ARRDC1: variants seen among roughly 807,000 people sequenced by gnomAD.
The protein encoded by ARRDC1 is arrestin domain-containing protein 1.
ARRDC1 carries 37 observed loss-of-function variants against 40.1 expected under a neutral mutation model. The ratio of observed to expected loss-of-function variants is 0.92; its 90% CI spans 0.71 to 1.21. The LOEUF is 1.21. Ranked by LOEUF, ARRDC1 falls within the 50% of genes most tolerant of loss-of-function variation. ARRDC1 has a pLI of 0.00. For synonymous variants in ARRDC1, 310 were observed against 262.5 expected, an observed-to-expected ratio of 1.18 and a Z score of -1.75; for missense variants, 641 against 581.9, an observed-to-expected ratio of 1.10 and a Z score of -1.04.
At position 137,612,886 on chromosome 9, in the gene ARRDC1, C is replaced by T. The variant is rs1289270029; in HGVS notation, c.119-10C>T. On this transcript the variant is annotated splice_polypyrimidine_tract_variant and intron_variant, in intron 1 of 7. Coordinates refer to ENST00000371421, the MANE Select transcript of ARRDC1 (RefSeq NM_152285.4). ...GCTGGCTGGGGCTCATGCAGCCATC[C>T]CCTTTGCAGCCATCCGGGTGACCTG... The T allele has an allele frequency of 5.0e-6, 8 of 1,608,440 alleles. No individual in the cohort carries two copies. Among genetic ancestry groups the T allele is most frequent in the Middle Eastern group, 1.7e-4 (1 of 6,034 alleles).
intron 4 of ARRDC1, 34 bp from the exon 5 acceptor site, chr9:137,613,998 A>AC: frequency 6.2e-7 from 1 of 1,610,142 alleles, no homozygotes; most frequent in Non-Finnish European, 8.5e-7. Context: ...GCCTGCGCAC[A>AC]CCTGCTAAGC....
intron 1 of ARRDC1, among the ~76,000 whole-genome samples, chr9:137,607,782 G>A (rs1170426802): frequency 6.6e-6 from 1 of 152,078 alleles, no homozygotes; most frequent in Non-Finnish European, 1.5e-5. Context: ...AGGAGTGGGT[G>A]GGTCTTCATG....
At chr9:137,613,146 C>T (rs900966967) in intron 2 of ARRDC1, 140 bp downstream of exon 2, 4 of 815,824 alleles carry the variant, frequency 4.9e-6, no homozygotes, top group Admixed American at 2.0e-5. Flanking sequence ...GTTGTGGGCC[C>T]TGATGGCTTT....
chr9:137,611,046 A>C (rs1383093348), intron 1 of ARRDC1, among the ~76,000 whole-genome samples: 1 of 152,198 alleles, frequency 6.6e-6, no homozygotes, highest in Non-Finnish European at 1.5e-5. Context: ...GTCTGTCAGG[A>C]GTGTTAAAAG....
chr9:137,605,781 G>T lies in ARRDC1; in HGVS notation c.64G>T (p.Glu22Ter). 7.4e-7 allele frequency: 1 copy of T among 1,346,654 alleles called. No individual in the cohort carries two copies. The highest frequency in any genetic ancestry group is 9.5e-7 in the Non-Finnish European group (1 of 1,047,716). The allele number at this position is 1,346,654 out of a possible 1,614,324, so 83.4% of individuals were successfully genotyped here. ...SHGRVVYSPG[E>*]PLAGTVRVRL... ...CGGCCGCGTCGTCTACAGCCCCGGG[G>T]AGCCGTTGGCTGGGACCGTGCGCGT... The change falls in exon 1 of 8, where the codon GAG (glutamate) becomes TAG (stop). Residue 22 changes from glutamate to a stop codon, truncating the protein, a stop_gained. Coordinates refer to ENST00000371421, the MANE Select transcript of ARRDC1 (RefSeq NM_152285.4). LOFTEE classifies it high-confidence loss of function.
intron 1 of ARRDC1, chr9:137,612,654 G>C: frequency 2.1e-6 from 1 of 470,112 alleles, no homozygotes. Context: ...TTCTGCTCTG[G>C]ATTGCAGGGC....
chr9:137,608,625 C>T (rs965082193), intron 1 of ARRDC1, among the ~76,000 whole-genome samples: 2 of 152,216 alleles, frequency 1.3e-5, no homozygotes, highest in South Asian at 4.1e-4. Flanking sequence ...CTGCCTGATT[C>T]GATGATTTGA....
intron 2 of ARRDC1, 103 bp downstream of exon 2, chr9:137,613,109 T>G (rs752118951): frequency 1.1e-6 from 1 of 946,644 alleles, no homozygotes; most frequent in Non-Finnish European, 1.7e-6. Context: ...GCCTCTTGGA[T>G]CTGGCACTGG....
Position 137,605,745 on chromosome 9 carries a change from A to C in ARRDC1, c.28A>C (p.Ser10Arg). 2 of 1,380,156 alleles carry C rather than the reference A, an allele frequency of 1.4e-6. No individual in the cohort carries two copies. The highest frequency in any genetic ancestry group is 1.9e-6 in the Non-Finnish European group (2 of 1,063,202). The allele number at this position is 1,380,156 out of a possible 1,614,324, so 85.5% of individuals were successfully genotyped here. ...GGGGCGAGTGCAGCTCTTCGAGATC[A>C]GCCTGAGCCACGGCCGCGTCGTCTA... MGRVQLFEI[S>R]LSHGRVVYSP... The change falls in exon 1 of 8, where the codon AGC becomes CGC. Residue 10 changes from serine to arginine, a missense_variant. Physicochemically the swap from Ser to Arg is moderately radical, Grantham distance 110. Transcript: ENST00000371421.
intron 1 of ARRDC1, among the ~76,000 whole-genome samples, chr9:137,609,805 C>T (rs967225425): frequency 5.9e-5 from 9 of 152,138 alleles, no homozygotes; most frequent in Admixed American, 2.0e-4. Context: ...GGATTACAGG[C>T]GTGAGCCACT....
Position 137,614,787 on chromosome 9 carries a change from C to T in ARRDC1, c.1024C>T (p.Arg342Trp), listed in dbSNP as rs113469851. The change falls in exon 7 of 8, where the codon CGG becomes TGG. Residue 342 changes from arginine (R) to tryptophan (W), a missense_variant. Transcript: ENST00000371421. ...VFLSTKSHSQ[R>W]QPLLATLSSV... is the part of the protein sequence containing the mutation. ...CCTCTCCACCAAGAGCCATTCGCAG[C>T]GGCAGCCCCTGCTGGCCACCTTGAG... 3,180 of 1,612,000 alleles carry T rather than the reference C, an allele frequency of 2.0e-3. 52 individuals are homozygous for T. In the African/African-American group the frequency reaches 0.038, roughly 19 times the overall value.
In ARRDC1 at chr9:137,614,614, T is replaced by C. The variant is rs376358295; in HGVS notation, c.851T>C (p.Ile284Thr). The change falls in exon 7 of 8, where the codon ATT (isoleucine) becomes ACT (threonine). Residue 284 changes from isoleucine (I) to threonine (T), a missense_variant. By Grantham distance (89) the Ile-to-Thr change is moderately conservative. Transcript: ENST00000371421. ...TVTLPVFIGN[I>T]AVNHAPVSPR... ...ACCCTCCCGGTCTTCATTGGCAATA[T>C]TGCTGTGAACCATGCCCCAGTGAGC... 20 of 1,612,812 alleles carry C rather than the reference T, an allele frequency of 1.2e-5. No individual in the cohort carries two copies. The highest frequency in any genetic ancestry group is 3.3e-5 in the Admixed American group (2 of 59,990).
chr9:137,614,186 C>A lies in ARRDC1; in HGVS notation c.590C>A (p.Thr197Asn). 6.2e-7 allele frequency: 1 copy of A among 1,607,276 alleles called. No individual in the cohort carries two copies. Among genetic ancestry groups the A allele is most frequent in the Non-Finnish European group, 8.5e-7 (1 of 1,175,562 alleles). Residue 197 changes from threonine (T) to asparagine (N), a missense_variant, in exon 5 of 8, where the codon ACC (threonine) becomes AAC (asparagine). Physicochemically the swap from Thr to Asn is moderately conservative, Grantham distance 65. Coordinates refer to ENST00000371421, the MANE Select transcript of ARRDC1 (RefSeq NM_152285.4). Reference sequence around the variant, plus strand: ...GTTGAGAACCAGTCAGGCAAGGACACCAGCCCTGTGGTGGCCAGTCTGCTG... The same window carrying A: ...GTTGAGAACCAGTCAGGCAAGGACAACAGCCCTGTGGTGGCCAGTCTGCTG... ...ADVENQSGKDTSPVVASLLQK... is the reference protein window; with the variant it reads ...ADVENQSGKDNSPVVASLLQK...
Position 137,613,151 on chromosome 9 carries a change from G to A in ARRDC1, c.229+145G>A, listed in dbSNP as rs768632474. On this transcript the variant is annotated intron_variant, in intron 2 of 7. Coordinates refer to ENST00000371421, the MANE Select transcript of ARRDC1 (RefSeq NM_152285.4). ...TTGTCCCAGGGTTGTGGGCCCTGAT[G>A]GCTTTCTCATAGGCGCTGGGTGGCT... 7.5e-6 allele frequency: 6 copies of A among 805,114 alleles called. No homozygotes were observed. In the East Asian group the frequency reaches 8.0e-5, roughly 11 times the overall value. 49.9% of individuals were successfully genotyped at this position (805,114 alleles called of 1,614,324 possible).
intron 1 of ARRDC1, among the ~76,000 whole-genome samples, chr9:137,606,077 C>G (rs1054016923): frequency 2.0e-4 from 30 of 151,448 alleles, no homozygotes; most frequent in Non-Finnish European, 4.4e-4. Context: ...TGAAGCGGGT[C>G]CACTGTGGAG....
Position 137,614,825 on chromosome 9 carries a change from T to C in ARRDC1, c.1062T>C (p.Gly354=), listed in dbSNP as rs1588993325. ...TGGCCACCTTGAGTTCTGTGCCTGG[T>C]GCGCCGGAGCCCTGCCCTCAGGATG... ...PLLATLSSVP[G]APEPCPQDGS... is the part of the protein sequence containing the mutation. Residue 354 remains glycine (G), a synonymous_variant, in exon 7 of 8, where the codon GGT becomes GGC. Transcript: ENST00000371421. 6.2e-7 allele frequency: 1 copy of C among 1,613,188 alleles called. No individual in the cohort carries two copies. Among genetic ancestry groups the C allele is most frequent in the African/African-American group, 1.3e-5 (1 of 74,994 alleles).
intron 1 of ARRDC1, chr9:137,611,751 A>T (rs1426440068): frequency 6.6e-6 from 1 of 152,372 alleles, no homozygotes; most frequent in African/African-American, 2.4e-5. Flanking sequence ...GGTAGGCAGG[A>T]TGCATGTGGA....
chr9:137,615,268 A>C lies in ARRDC1; in HGVS notation c.*130A>C, dbSNP rs1484545307. On this transcript the variant is annotated 3_prime_UTR_variant, in exon 8 of 8. Coordinates refer to ENST00000371421, the MANE Select transcript of ARRDC1 (RefSeq NM_152285.4). Reference sequence around the variant, plus strand: ...CCCAGCCTCTGCCAGCTCCTCTGGCATCCGCCCTCTTCTCCCTGGGGCTGG... The same window carrying C: ...CCCAGCCTCTGCCAGCTCCTCTGGCCTCCGCCCTCTTCTCCCTGGGGCTGG... The C allele has an allele frequency of 4.5e-6, 4 of 883,026 alleles. No homozygotes were observed. In the African/African-American group the frequency reaches 6.9e-5, roughly 15 times the overall value. 54.7% of individuals were successfully genotyped at this position (883,026 alleles called of 1,614,324 possible). A position where few individuals can be genotyped will look rare whatever the true frequency, so the allele number is the denominator to read the frequency against.
At position 137,605,749 on chromosome 9, in the gene ARRDC1, T is replaced by A; in HGVS notation, c.32T>A (p.Leu11Gln). The change falls in exon 1 of 8, where the codon CTG becomes CAG. Residue 11 changes from leucine (L) to glutamine (Q), a missense_variant. By Grantham distance (113) the Leu-to-Gln change is moderately radical (BLOSUM62 -2). Transcript: ENST00000371421. ...CGAGTGCAGCTCTTCGAGATCAGCC[T>A]GAGCCACGGCCGCGTCGTCTACAGC... MGRVQLFEIS[L>Q]SHGRVVYSPG... The A allele has an allele frequency of 1.4e-6, 2 of 1,379,756 alleles. No individual in the cohort carries two copies. The highest frequency in any genetic ancestry group is 1.9e-6 in the Non-Finnish European group (2 of 1,063,032). 85.5% of individuals were successfully genotyped at this position (1,379,756 alleles called of 1,614,324 possible).
Sources: allele counts gnomAD v4.1 joint callset (sites outside exome capture counted in the v4.1 genomes callset), GRCh38; gene constraint gnomAD v4.1.1; transcripts MANE v1.5; gene names NCBI Gene and HGNC (gene_info 2026-07-23, HGNC 2026-07-21).